Variants in BAG6 observed in about 807,000 individuals in gnomAD.
BAG6 encodes BAG cochaperone 6.
In BAG6, 22 loss-of-function variants were observed where a neutral mutation model predicts 121.0. That is an observed-to-expected ratio of 0.18 (90% CI 0.13 to 0.26). The LOEUF (loss-of-function observed/expected upper bound fraction) is 0.26, where lower values mean the gene tolerates loss of function less well. Among genes scored for constraint, BAG6 ranks in the 10% least tolerant of loss-of-function variants. The probability of loss-of-function intolerance (pLI) is 1.00; values close to 1 mark genes in which losing one functional copy is unlikely to be tolerated. For missense variants in BAG6, 1,233 were observed against 1,537.7 expected (o/e 0.80, Z 3.31); for synonymous variants, 583 against 584.6 (o/e 1.00, Z 0.04).
In BAG6 at chr6:31,645,581, C is replaced by A; in HGVS notation, c.942G>T (p.Gln314His). Residue 314 changes from glutamine (Q) to histidine (H), a missense_variant, in exon 9 of 26, where the codon CAG becomes CAT. This residue lies in a region of BAG6 where 777 missense variants were observed against 861.4 expected (regional missense o/e 0.90). Coordinates refer to ENST00000676615, the MANE Select transcript of BAG6 (RefSeq NM_001387994.1). ...NNNHEGREED[Q>H]RLINLVGESL... ...TCTCCCCTACCAAGTTGATCAACCG[C>A]TGATCCTCCTCCCGGCCCTCGTGCT... 1.2e-6 allele frequency: 2 copies of A among 1,613,160 alleles called. No individual in the cohort carries two copies. Among genetic ancestry groups the A allele is most frequent in the Non-Finnish European group, 1.7e-6 (2 of 1,180,040 alleles).
chr6:31,649,317 G>T lies in BAG6; in HGVS notation c.305C>A (p.Thr102Lys). 1.2e-6 allele frequency: 2 copies of T among 1,613,284 alleles called. No individual in the cohort carries two copies. Among genetic ancestry groups the T allele is most frequent in the Non-Finnish European group, 1.7e-6 (2 of 1,179,888 alleles). ...ACCATGAGTGGCTGAGGCAGACCCC[G>T]TCCCAGAAGATGCCCCAGAAGGGAG... The part of the protein sequence containing the change: ...THLPSGASSG[T>K]GSASATHGGG... The change falls in exon 4 of 26, where the codon ACG becomes AAG. Residue 102 changes from threonine (T) to lysine (K), a missense_variant. Thr to Lys is a moderately conservative substitution (Grantham distance 78, BLOSUM62 -1). Transcript: ENST00000676615.
chr6:31,649,651 G>A (rs1303107512), intron 2 of BAG6, 24 bp from the exon 3 acceptor site: 1 of 1,583,764 alleles, frequency 6.3e-7, no homozygotes, highest in Non-Finnish European at 8.7e-7. Flanking sequence ...GCATGCACAG[G>A]AATGGAAAGA....
rs771749273 is a variant in BAG6, at chr6:31,644,261, C to A, written c.1555+46G>T. The A allele has an allele frequency of 3.2e-6, 5 of 1,563,372 alleles. No homozygotes were observed. Among genetic ancestry groups the A allele is most frequent in the Non-Finnish European group, 2.6e-6 (3 of 1,153,828 alleles). ...CAGGCCCTTGCCAGCCAGCTGCCAC[C>A]ATGGACTGTGCCCTACCTCCCAAGC... On this transcript the variant is annotated intron_variant, in intron 12 of 25. Coordinates refer to ENST00000676615, the MANE Select transcript of BAG6 (RefSeq NM_001387994.1). This position sits in a 1 kb window ranked among gnomAD's most constrained non-coding sequence, Gnocchi z 4.9.
Position 31,640,101 on chromosome 6 carries a change from T to C in BAG6, c.3246+98A>G. ...CTCATTAAACGAGGGGAGGGGAGAC[T>C]GAATAACAAGAGCTCCCACCATCTC... On this transcript the variant is annotated intron_variant, in intron 24 of 25. Coordinates refer to ENST00000676615, the MANE Select transcript of BAG6 (RefSeq NM_001387994.1). This position sits in a 1 kb window ranked among gnomAD's most constrained non-coding sequence, Gnocchi z 4.2. The C allele has an allele frequency of 8.0e-7, 1 of 1,244,880 alleles. No homozygotes were observed. The highest frequency in any genetic ancestry group is 1.2e-6 in the Non-Finnish European group (1 of 869,032). 77.1% of individuals were successfully genotyped at this position (1,244,880 alleles called of 1,614,324 possible).
chr6:31,639,232 G>C lies in BAG6; in HGVS notation c.3394-6C>G. 1 of 1,606,798 alleles carries C rather than the reference G, an allele frequency of 6.2e-7. No homozygotes were observed. Among genetic ancestry groups the C allele is most frequent in the South Asian group, 1.1e-5 (1 of 90,746 alleles). ...TTTTGTATATCAGACCGGAGCTAAAGAGAAAAAGTAAGCAGGTTGGAGAAA... is the reference window on the plus strand; with the variant it reads ...TTTTGTATATCAGACCGGAGCTAAACAGAAAAAGTAAGCAGGTTGGAGAAA... On this transcript the variant is annotated splice_polypyrimidine_tract_variant and splice_region_variant and intron_variant, in intron 25 of 25. Coordinates refer to ENST00000676615, the MANE Select transcript of BAG6 (RefSeq NM_001387994.1).
chr6:31,642,164 T>C lies in BAG6; in HGVS notation c.2283A>G (p.Gln761=), dbSNP rs1266817820. 6.2e-6 allele frequency: 10 copies of C among 1,612,646 alleles called. No individual in the cohort carries two copies. Among genetic ancestry groups the C allele is most frequent in the Non-Finnish European group, 7.6e-6 (9 of 1,179,964 alleles). Residue 761 remains glutamine, a synonymous_variant, in exon 16 of 26, where the codon CAA becomes CAG. Coordinates refer to ENST00000676615, the MANE Select transcript of BAG6 (RefSeq NM_001387994.1). The part of the protein sequence containing the change: ...GSSESIAAFI[Q]RLSGSSNIFE... ...AGATGTTGCTGGATCCACTGAGGCG[T>C]TGTATGAAGGCAGCAATACTTTCAC...
Position 31,640,113 on chromosome 6 carries a change from G to T in BAG6, c.3246+86C>A. 7.5e-7 allele frequency: 1 copy of T among 1,338,858 alleles called. No homozygotes were observed. Among genetic ancestry groups the T allele is most frequent in the South Asian group, 1.2e-5 (1 of 82,860 alleles). 82.9% of individuals were successfully genotyped at this position (1,338,858 alleles called of 1,614,324 possible). On this transcript the variant is annotated intron_variant, in intron 24 of 25. Coordinates refer to ENST00000676615, the MANE Select transcript of BAG6 (RefSeq NM_001387994.1). The surrounding 1 kb of genome is among the most constrained non-coding windows in gnomAD (Gnocchi z 4.2). ...GGGGAGGGGAGACTGAATAACAAGA[G>T]CTCCCACCATCTCTACATAGTTTGA...
In BAG6 at chr6:31,639,220, A is replaced by G. The variant is rs1252174176; in HGVS notation, c.3400T>C (p.Ser1134Pro). 6.2e-7 allele frequency: 1 copy of G among 1,613,230 alleles called. No homozygotes were observed. The highest frequency in any genetic ancestry group is 1.1e-5 in the South Asian group (1 of 90,974). Residue 1134 changes from serine (S) to proline (P), a missense_variant, in exon 26 of 26, where the codon TCT becomes CCT. Physicochemically the swap from Ser to Pro is moderately conservative, Grantham distance 74. Transcript: ENST00000676615. ...TCCTGCAGTCGTTTTTGTATATCAGACCGGAGCTAAAGAGAAAAAGTAAGC... is the reference window on the plus strand; with the variant it reads ...TCCTGCAGTCGTTTTTGTATATCAGGCCGGAGCTAAAGAGAAAAAGTAAGC... The part of the protein sequence containing the change: ...VQESYRQQLR[S>P]DIQKRLQEDP...
Position 31,641,707 on chromosome 6 carries a change from G to A in BAG6, c.2505+69C>T, listed in dbSNP as rs1190474821. On this transcript the variant is annotated intron_variant, in intron 17 of 25. Transcript: ENST00000676615. This position sits in a 1 kb window ranked among gnomAD's most constrained non-coding sequence, Gnocchi z 5.7. ...GGCAATTGGAGCTTTACCTGGCAGA[G>A]AAGCAGTCAGAAATAAGGAATAAAA... The A allele has an allele frequency of 8.1e-6, 13 of 1,611,100 alleles. No individual in the cohort carries two copies. Among genetic ancestry groups the A allele is most frequent in the African/African-American group, 8.0e-5 (6 of 74,820 alleles).
intron 8 of BAG6, 48 bp from the exon 9 acceptor site, chr6:31,645,652 A>G (rs146563787): frequency 8.1e-5 from 129 of 1,592,524 alleles, no homozygotes; most frequent in Middle Eastern, 5.0e-4. Context: ...ATCAAGCTGG[A>G]GTCCATCTCA....
rs759687070 is a variant in BAG6, at chr6:31,646,574, C to G, written c.789-51G>C. 3.1e-6 allele frequency: 5 copies of G among 1,598,620 alleles called. No individual in the cohort carries two copies. The South Asian group carries it at 5.6e-5, about 18-fold the overall frequency. Reference sequence around the variant, plus strand: ...AGCCAAAGCCTTCCTCAGATTCCCACCCTCACAGTCAACAGGGACCACATG... The same window carrying G: ...AGCCAAAGCCTTCCTCAGATTCCCAGCCTCACAGTCAACAGGGACCACATG... On this transcript the variant is annotated intron_variant, in intron 7 of 25. Coordinates refer to ENST00000676615, the MANE Select transcript of BAG6 (RefSeq NM_001387994.1).
chr6:31,651,819 C>A, intron 1 of BAG6, 43 bp from the exon 2 acceptor site: 1 of 1,471,320 alleles, frequency 6.8e-7, no homozygotes, highest in Non-Finnish European at 9.5e-7. Context: ...TTGCCCAGAC[C>A]AGAGTGTACC....
chr6:31,639,301 C>T, intron 25 of BAG6, 75 bp from the exon 26 acceptor site: 1 of 1,479,804 alleles, frequency 6.8e-7, no homozygotes, highest in Middle Eastern at 2.1e-4. Context: ...ACAAGGCCAT[C>T]CCTCAGAAGC....
In BAG6 at chr6:31,641,890, T is replaced by C; in HGVS notation, c.2391A>G (p.Val797=). The change falls in exon 17 of 26, where the codon GTA becomes GTG. Residue 797 remains valine (V), a synonymous_variant. Coordinates refer to ENST00000676615, the MANE Select transcript of BAG6 (RefSeq NM_001387994.1). The surrounding 1 kb of genome is among the most constrained non-coding windows in gnomAD (Gnocchi z 5.7). ...GGAAATGCCCATGGAGAAGCATCAC[T>C]ACGTCCACCATAGAGAAGTTCTGGC... ...LLCQNFSMVD[V]VMLLHGHFQP... is the part of the protein sequence containing the mutation. 2 of 1,612,976 alleles carry C rather than the reference T, an allele frequency of 1.2e-6. No homozygotes were observed. Among genetic ancestry groups the C allele is most frequent in the Non-Finnish European group, 1.7e-6 (2 of 1,180,022 alleles).
intron 2 of BAG6, among the ~76,000 whole-genome samples, chr6:31,650,353 G>C (rs1426397566): frequency 6.6e-6 from 1 of 151,870 alleles, no homozygotes; most frequent in African/African-American, 2.4e-5. Flanking sequence ...AATGAAGAAA[G>C]ACTAAGAAGA....
At chr6:31,639,857 C>T (rs1780790317) in intron 24 of BAG6, 5 of 694,754 alleles carry the variant, frequency 7.2e-6, no homozygotes, top group African/African-American at 1.8e-5. Context: ...TGTGCTTGAA[C>T]GTGCTCTTCA....
intron 14 of BAG6, 77 bp from the exon 15 acceptor site, chr6:31,643,192 A>C: frequency 6.9e-7 from 1 of 1,446,894 alleles, no homozygotes; most frequent in Non-Finnish European, 9.2e-7. Flanking sequence ...TTGGGAGGCC[A>C]AGGCATGAGA....
intron 6 of BAG6, among the ~76,000 whole-genome samples, chr6:31,648,343 T>C (rs547137345): frequency 6.6e-6 from 1 of 152,230 alleles, no homozygotes; most frequent in African/African-American, 2.4e-5. Context: ...TGTAAATAAA[T>C]TTCTAACAAA....
At chr6:31,646,604 C>T in intron 7 of BAG6, 81 bp from the exon 8 acceptor site, 1 of 1,542,012 alleles carries the variant, frequency 6.5e-7, no homozygotes, top group South Asian at 1.2e-5. Context: ...CACATGTGCC[C>T]TCTTTCTCCC....
Sources: gnomAD v4.1 joint callset for allele counts (sites outside exome capture counted in the v4.1 genomes callset) on GRCh38, gnomAD v4.1.1 for gene constraint, gnomAD v4.1.1 regional missense constraint, Gnocchi (gnomAD v3.1) non-coding constraint, MANE v1.5 for transcripts, NCBI Gene and HGNC (gene_info 2026-07-23, HGNC 2026-07-21) for gene names.